EPHX2: variants seen among roughly 807,000 people sequenced by gnomAD.
EPHX2 encodes the protein epoxide hydrolase 2.
EPHX2 carries 74 observed loss-of-function variants against 78.7 expected under a neutral mutation model. That is an observed-to-expected ratio of 0.94 (90% CI 0.78 to 1.14). The LOEUF (loss-of-function observed/expected upper bound fraction) is 1.14, where lower values mean the gene tolerates loss of function less well. EPHX2 is among the 50% of genes most tolerant of loss of function. The probability of loss-of-function intolerance (pLI) is 0.00; values close to 1 mark genes in which losing one functional copy is unlikely to be tolerated. For synonymous variants in EPHX2, 251 were observed against 255.2 expected (o/e 0.98, Z 0.16); for missense variants, 715 against 702.5 (o/e 1.02, Z -0.20).
chr8:27,531,027 C>T (rs1218804497), intron 12 of EPHX2, among the ~76,000 whole-genome samples: 2 of 151,674 alleles, frequency 1.3e-5, no homozygotes, highest in Admixed American at 6.6e-5. Flanking sequence ...CCTCCCAAAG[C>T]GCTGGGATTA....
chr8:27,505,410 G>C (rs1186365054), intron 4 of EPHX2, among the ~76,000 whole-genome samples: 1 of 152,162 alleles, frequency 6.6e-6, no homozygotes, highest in African/African-American at 2.4e-5. Flanking sequence ...TTTTAGCCCA[G>C]CTGCCTCAGT....
rs763931540 is a variant in EPHX2, at chr8:27,538,637, CTCTTT to C, written c.1243-12_1243-8del. The C allele has an allele frequency of 2.1e-5, 33 of 1,604,672 alleles. No homozygotes were observed. Among genetic ancestry groups the C allele is most frequent in the South Asian group, 1.0e-4 (9 of 90,370 alleles). Reference sequence around the variant, plus strand: ...GTATCACCCATGACATCATTTGTAACTCTTTTCTTTTCTTCCTTCAGAGTGTTTTA... The same window carrying C: ...GTATCACCCATGACATCATTTGTAACTCTTTTCTTCCTTCAGAGTGTTTTA... On this transcript the variant is annotated splice_polypyrimidine_tract_variant and intron_variant, in intron 13 of 18. Coordinates refer to ENST00000521400, the MANE Select transcript of EPHX2 (RefSeq NM_001979.6).
intron 12 of EPHX2, among the ~76,000 whole-genome samples, chr8:27,531,245 A>G (rs1815031676): frequency 6.6e-6 from 1 of 152,204 alleles, no homozygotes; most frequent in Non-Finnish European, 1.5e-5. Context: ...CCCTGACCTG[A>G]GCGTCTTCCT....
intron 10 of EPHX2, among the ~76,000 whole-genome samples, chr8:27,522,120 T>C (rs1018001679): frequency 1.6e-5 from 2 of 128,914 alleles, no homozygotes; most frequent in Non-Finnish European, 3.2e-5. Context: ...TTTACTTCTT[T>C]TAAGATAGAA....
intron 11 of EPHX2, 55 bp from the exon 12 acceptor site, chr8:27,525,307 C>T: frequency 2.6e-6 from 4 of 1,544,058 alleles, no homozygotes; most frequent in Non-Finnish European, 3.6e-6. Flanking sequence ...CTTTCTGGCT[C>T]TTGTAAGACT....
Position 27,506,884 on chromosome 8 carries a change from G to C in EPHX2, c.550G>C (p.Asp184His). The C allele has an allele frequency of 6.2e-7, 1 of 1,612,834 alleles. No homozygotes were observed. The highest frequency in any genetic ancestry group is 8.5e-7 in the Non-Finnish European group (1 of 1,179,628). ...GTTTTGGGCTCAGGTCGTTTTTTTG[G>C]ATGACATCGGGGCTAATCTGAAGCC... ...KASPSEVVFL[D>H]DIGANLKPAR... is the part of the protein sequence containing the mutation. Residue 184 changes from aspartate (D) to histidine (H), a missense_variant, in exon 5 of 19, where the codon GAT (aspartate) becomes CAT (histidine). Physicochemically the swap from Asp to His is moderately conservative, Grantham distance 81 (BLOSUM62 -1). Transcript: ENST00000521400.
chr8:27,526,834 C>T (rs767262143), intron 12 of EPHX2, among the ~76,000 whole-genome samples: 6 of 152,174 alleles, frequency 3.9e-5, no homozygotes, highest in Admixed American at 6.5e-5. Context: ...ACTGCAGCCC[C>T]GACCTCTCCA....
intron 11 of EPHX2, 46 bp downstream of exon 11, chr8:27,522,554 A>T: frequency 6.3e-7 from 1 of 1,579,604 alleles, no homozygotes; most frequent in Non-Finnish European, 8.7e-7. Flanking sequence ...GCTGGACTTG[A>T]ACTCCTGTGA....
intron 1 of EPHX2, among the ~76,000 whole-genome samples, chr8:27,496,388 T>A (rs1041328009): frequency 6.6e-6 from 1 of 152,154 alleles, no homozygotes; most frequent in African/African-American, 2.4e-5. Context: ...GGCAAGACCA[T>A]CCACGAAAGT....
rs72475845 is a variant in EPHX2 at position 27,516,170 on chromosome 8, T to C, written c.832-150T>C. ...CACAGCAGCCCTGTATAAATGGGCTTATTTCAGCTCCATGGCAAAGTTACC... is the reference window on the plus strand; with the variant it reads ...CACAGCAGCCCTGTATAAATGGGCTCATTTCAGCTCCATGGCAAAGTTACC... On this transcript the variant is annotated intron_variant, in intron 7 of 18. Coordinates refer to ENST00000521400, the MANE Select transcript of EPHX2 (RefSeq NM_001979.6). 16 of 796,688 alleles carry C rather than the reference T, an allele frequency of 2.0e-5. No homozygotes were observed. In the African/African-American group the frequency reaches 2.2e-4, roughly 11 times the overall value. The allele number at this position is 796,688 out of a possible 1,614,324, so 49.4% of individuals were successfully genotyped here.
chr8:27,514,831 G>A (rs572987301), intron 6 of EPHX2, among the ~76,000 whole-genome samples: 10 of 152,242 alleles, frequency 6.6e-5, no homozygotes, highest in Admixed American at 5.9e-4. Flanking sequence ...GGTGCTCTGC[G>A]AGATGCTACC....
At chr8:27,526,281 T>C (rs1814844121) in intron 12 of EPHX2, among the ~76,000 whole-genome samples, 1 of 152,170 alleles carries the variant, frequency 6.6e-6, no homozygotes, top group Non-Finnish European at 1.5e-5. Context: ...TTATTTTCAT[T>C]GATGAGACAG....
At chr8:27,526,508 T>C (rs567599556) in intron 12 of EPHX2, among the ~76,000 whole-genome samples, 1 of 152,306 alleles carries the variant, frequency 6.6e-6, no homozygotes, top group South Asian at 2.1e-4. Context: ...ATAGTCTCGA[T>C]GGTGAGACTA....
intron 2 of EPHX2, among the ~76,000 whole-genome samples, chr8:27,501,414 C>T (rs1813799177): frequency 7.9e-5 from 10 of 126,582 alleles, no homozygotes; most frequent in Non-Finnish European, 1.0e-4. Flanking sequence ...CTTCTTTCTT[C>T]TTTTTCTGAG....
intron 16 of EPHX2, among the ~76,000 whole-genome samples, chr8:27,542,187 A>G (rs4149257): frequency 0.41 from 63,038 of 152,080 alleles, 16,900 homozygotes; most frequent in African/African-American, 0.77. Flanking sequence ...ACACTGCTAC[A>G]TGCCAGACTT....
At position 27,515,500 on chromosome 8, in the gene EPHX2, T is replaced by G. The variant is rs1433500289; in HGVS notation, c.736-218T>G. ...CAACATCATAATCTTTGCAGAATTC[T>G]TAGGTTATGGTGAGAGCCACCTGTT... On this transcript the variant is annotated intron_variant, in intron 6 of 18. Coordinates refer to ENST00000521400, the MANE Select transcript of EPHX2 (RefSeq NM_001979.6). The G allele has an allele frequency of 7.3e-6, 4 of 546,626 alleles. No individual in the cohort carries two copies. The East Asian group carries it at 1.2e-4, about 16-fold the overall frequency. 33.9% of individuals were successfully genotyped at this position (546,626 alleles called of 1,614,324 possible). A position where few individuals can be genotyped will look rare whatever the true frequency, so the allele number is the denominator to read the frequency against.
intron 6 of EPHX2, 53 bp from the exon 7 acceptor site, chr8:27,515,665 G>T: frequency 3.4e-6 from 5 of 1,484,728 alleles, no homozygotes; most frequent in Non-Finnish European, 4.7e-6. Flanking sequence ...GTGGGGCCTG[G>T]GTCCACTGGG....
intron 3 of EPHX2, among the ~76,000 whole-genome samples, chr8:27,504,280 C>G (rs754115237): frequency 1.3e-5 from 2 of 152,184 alleles, no homozygotes; most frequent in African/African-American, 2.4e-5. Flanking sequence ...AGTAGACTTA[C>G]CTGGTTGTGG....
chr8:27,508,527 T>G (rs1448623514), intron 5 of EPHX2, among the ~76,000 whole-genome samples: 1 of 152,182 alleles, frequency 6.6e-6, no homozygotes, highest in Non-Finnish European at 1.5e-5. Context: ...CACATCAGAC[T>G]TGGGCTCAGG....
Sources: allele counts gnomAD v4.1 joint callset (sites outside exome capture counted in the v4.1 genomes callset), GRCh38; gene constraint gnomAD v4.1.1; transcripts MANE v1.5; gene names NCBI Gene and HGNC (gene_info 2026-07-23, HGNC 2026-07-21).